The following NSD3 variants were observed in gnomAD, a reference collection of about 807,000 sequenced individuals.
NSD3 encodes nuclear receptor binding SET domain protein 3.
In NSD3, 24 loss-of-function variants were observed where a neutral mutation model predicts 160.8. The observed-to-expected ratio is 0.15, with a 90% CI of 0.11 to 0.21. The LOEUF is 0.21. Among genes scored for constraint, NSD3 ranks in the 10% least tolerant of loss-of-function variants. The pLI, the probability that NSD3 is intolerant of heterozygous loss-of-function variation, is 1.00. For synonymous variants in NSD3, 520 were observed against 600.0 expected, an observed-to-expected ratio of 0.87 and a Z score of 1.95; for missense variants, 1,157 against 1,735.9, an observed-to-expected ratio of 0.67 and a Z score of 5.93.
chr8:38,327,357 A>G (rs1334560762), intron 6 of NSD3, among the ~76,000 whole-genome samples: 1 of 151,580 alleles, frequency 6.6e-6, no homozygotes, highest in East Asian at 1.9e-4. Flanking sequence ...CACCCGGCCA[A>G]AAAAAATTTT....
At chr8:38,306,248 G>T (rs979448528) in intron 12 of NSD3, among the ~76,000 whole-genome samples, 1 of 151,986 alleles carries the variant, frequency 6.6e-6, no homozygotes, top group Non-Finnish European at 1.5e-5. Context: ...ACATTAAAAA[G>T]ATAGTAAAAG....
At chr8:38,315,670 C>T in intron 10 of NSD3, 126 bp from the exon 11 acceptor site, 1 of 1,368,378 alleles carries the variant, frequency 7.3e-7, no homozygotes, top group Non-Finnish European at 9.8e-7. Flanking sequence ...TTTTTCCTTC[C>T]TTTCTTTCCA....
rs923125720 is a variant in NSD3, at chr8:38,272,209, T to C, written c.*3432A>G. On this transcript the variant is annotated 3_prime_UTR_variant, in exon 24 of 24. Transcript: ENST00000317025. Reference sequence around the variant, plus strand: ...GCTGGGAGCAGTCCCCCTGCCTCCATTACTTTTTTAGCTTTCACATATGTT... The same window carrying C: ...GCTGGGAGCAGTCCCCCTGCCTCCACTACTTTTTTAGCTTTCACATATGTT... 7 of 152,236 alleles carry C rather than the reference T, an allele frequency of 4.6e-5. No homozygotes were observed. The highest frequency in any genetic ancestry group is 1.0e-4 in the Non-Finnish European group (7 of 68,040). 9.4% of individuals were successfully genotyped at this position (152,236 alleles called of 1,614,324 possible).
At chr8:38,282,799 G>A (rs866035003) in intron 19 of NSD3, among the ~76,000 whole-genome samples, 25 of 152,228 alleles carry the variant, frequency 1.6e-4, no homozygotes, top group African/African-American at 5.1e-4. Context: ...AAGGTGCTGA[G>A]TATATCAACA....
In NSD3 at chr8:38,318,939, A is replaced by C; in HGVS notation, c.1811T>G (p.Val604Gly). 1 of 1,608,080 alleles carries C rather than the reference A, an allele frequency of 6.2e-7. No individual in the cohort carries two copies. Among genetic ancestry groups the C allele is most frequent in the Non-Finnish European group, 8.5e-7 (1 of 1,178,226 alleles). ...CACTGTAGCCTGAGGAACTGTTTCAACCTGTTTGGACAGAAAAATACAGCA... is the reference window on the plus strand; with the variant it reads ...CACTGTAGCCTGAGGAACTGTTTCACCCTGTTTGGACAGAAAAATACAGCA... ...VPKKKIKKEQ[V>G]ETVPQATVKT... The change falls in exon 9 of 24, where the codon GTT (valine) becomes GGT (glycine). Residue 604 changes from valine (V) to glycine (G), a missense_variant and splice_region_variant. Physicochemically the swap from Val to Gly is moderately radical, Grantham distance 109 (BLOSUM62 -3). Transcript: ENST00000317025. This position sits in a 1 kb window ranked among gnomAD's most constrained non-coding sequence, Gnocchi z 5.3.
intron 4 of NSD3, among the ~76,000 whole-genome samples, chr8:38,334,880 T>C (rs957061772): frequency 3.3e-5 from 5 of 151,984 alleles, no homozygotes; most frequent in Non-Finnish European, 7.4e-5. Flanking sequence ...TTAAAATATA[T>C]GCATTTCTTA....
chr8:38,360,020 C>T (rs897396496), intron 1 of NSD3, among the ~76,000 whole-genome samples: 2 of 142,452 alleles, frequency 1.4e-5, no homozygotes, highest in African/African-American at 2.6e-5. Flanking sequence ...TTTTTTGAGA[C>T]GGTCTCACTA....
chr8:38,359,792 A>G (rs1810915039), intron 1 of NSD3, among the ~76,000 whole-genome samples: 1 of 152,162 alleles, frequency 6.6e-6, no homozygotes, highest in Admixed American at 6.5e-5. Flanking sequence ...TGATTGTTCT[A>G]TTTGTCTTTA....
intron 16 of NSD3, among the ~76,000 whole-genome samples, chr8:38,292,109 G>A (rs915892320): frequency 6.6e-6 from 1 of 152,170 alleles, no homozygotes; most frequent in Non-Finnish European, 1.5e-5. Flanking sequence ...TTGAAGATCT[G>A]AAGGCTTCTT....
intron 8 of NSD3, 149 bp downstream of exon 8, chr8:38,320,912 TATTAAAACTGA>T: frequency 1.8e-6 from 1 of 564,004 alleles, no homozygotes; most frequent in Non-Finnish European, 3.0e-6. Context: ...GGGATGGCTG[TATTAAAACTGA>T]GCACTGGAAC....
At chr8:38,295,016 C>T (rs563952405) in intron 16 of NSD3, among the ~76,000 whole-genome samples, 3 of 149,660 alleles carry the variant, frequency 2.0e-5, no homozygotes, top group South Asian at 2.1e-4. Flanking sequence ...TGGTAGCGGG[C>T]GCCTGTAGTC....
rs550632105 is a variant in NSD3 at position 38,335,142 on chromosome 8, A to T, written c.910+2163T>A. ...GTGAGACCTTAGAGGCATGCGCCAA[A>T]ACGCCTGGCTAATTTTTGTATTTTC... On this transcript the variant is annotated intron_variant, in intron 4 of 23. Coordinates refer to ENST00000317025, the MANE Select transcript of NSD3 (RefSeq NM_023034.2). 2.6e-5 allele frequency among the ~76,000 whole-genome samples: 4 copies of T among 152,172 alleles called. No homozygotes were observed. The South Asian group carries it at 8.3e-4, about 32-fold the overall frequency.
At chr8:38,311,076 C>CTTTT (rs34628829) in intron 12 of NSD3, among the ~76,000 whole-genome samples, 2 of 132,790 alleles carry the variant, frequency 1.5e-5, no homozygotes, top group Non-Finnish European at 3.2e-5. Context: ...TCCCTGATTA[C>CTTTT]TTTTTTTTTT....
chr8:38,326,770 C>T lies in NSD3; in HGVS notation c.1668G>A (p.Thr556=), dbSNP rs772385042. The part of the protein sequence containing the change: ...STPNQRNEKP[T]QSVSSPEATS... ...TTGCTTCAGGAGATGATACACTCTG[C>T]GTTGGCTTTTCATTTCTCTGGTTTG... is the stretch of plus-strand genomic sequence containing the variant. The change falls in exon 7 of 24, where the codon ACG becomes ACA. Residue 556 remains threonine (T), a synonymous_variant. Transcript: ENST00000317025. 55 of 1,613,932 alleles carry T rather than the reference C, an allele frequency of 3.4e-5. No homozygotes were observed. The highest frequency in any genetic ancestry group is 4.2e-5 in the Non-Finnish European group (49 of 1,179,982).
Position 38,273,065 on chromosome 8 carries a change from T to C in NSD3, c.*2576A>G, listed in dbSNP as rs545030775. ...TTTTTTTTGAGATGGAGTCTCGCTC[T>C]GTCACCCAGGCTGGAGTGCAGTGAT... On this transcript the variant is annotated 3_prime_UTR_variant, in exon 24 of 24. Coordinates refer to ENST00000317025, the MANE Select transcript of NSD3 (RefSeq NM_023034.2). 5.9e-5 allele frequency: 9 copies of C among 152,456 alleles called. No homozygotes were observed. The East Asian group carries it at 1.7e-3, about 29-fold the overall frequency. 9.4% of individuals were successfully genotyped at this position (152,456 alleles called of 1,614,324 possible). A position where few individuals can be genotyped will look rare whatever the true frequency, so the allele number is the denominator to read the frequency against.
At position 38,290,615 on chromosome 8, in the gene NSD3, T is replaced by C; in HGVS notation, c.2978A>G (p.His993Arg). ...GAATACAGGGAAGTCCCCCAAGTCATGTTTAAGGCCCTGGATGTTCAGTGG... is the reference window on the plus strand; with the variant it reads ...GAATACAGGGAAGTCCCCCAAGTCACGTTTAAGGCCCTGGATGTTCAGTGG... ...SVPLNIQGLKHDLGDFPVFFF... is the reference protein window; with the variant it reads ...SVPLNIQGLKRDLGDFPVFFF... Residue 993 changes from histidine (H) to arginine (R), a missense_variant, in exon 17 of 24, where the codon CAT becomes CGT. Physicochemically the swap from His to Arg is conservative, Grantham distance 29 (BLOSUM62 0). Transcript: ENST00000317025. 2 of 1,614,048 alleles carry C rather than the reference T, an allele frequency of 1.2e-6. No homozygotes were observed. Among genetic ancestry groups the C allele is most frequent in the Non-Finnish European group, 1.7e-6 (2 of 1,179,928 alleles).
chr8:38,376,071 C>T (rs1811380689), intron 1 of NSD3, among the ~76,000 whole-genome samples: 1 of 152,042 alleles, frequency 6.6e-6, no homozygotes, highest in Non-Finnish European at 1.5e-5. Flanking sequence ...TTTTAGCTCA[C>T]TTTAAAATTT....
chr8:38,332,911 G>A (rs1810101801), intron 4 of NSD3, among the ~76,000 whole-genome samples: 1 of 152,056 alleles, frequency 6.6e-6, no homozygotes, highest in African/African-American at 2.4e-5. Flanking sequence ...TCTTTTCAGA[G>A]AACCCAAAGT....
Position 38,317,302 on chromosome 8 carries a change from A to AT in NSD3, c.1856-1261dup, listed in dbSNP as rs553687860. On this transcript the variant is annotated intron_variant, in intron 9 of 23. Transcript: ENST00000317025. The surrounding 1 kb of genome is among the most constrained non-coding windows in gnomAD (Gnocchi z 5.3). ...AGGGTGCCTGCCCATGTTAATGCTG[A>AT]TTAAAAAACACAAGTACACAAATCT... 6.6e-4 allele frequency: 696 copies of AT among 1,059,292 alleles called. No individual in the cohort carries two copies. Among genetic ancestry groups the AT allele is most frequent in the Non-Finnish European group, 7.6e-4 (666 of 875,278 alleles). The allele number at this position is 1,059,292 out of a possible 1,614,324, so 65.6% of individuals were successfully genotyped here. A position where few individuals can be genotyped will look rare whatever the true frequency, so the allele number is the denominator to read the frequency against.
Sources: gnomAD v4.1 joint callset for allele counts (sites outside exome capture counted in the v4.1 genomes callset) on GRCh38, gnomAD v4.1.1 for gene constraint, Gnocchi (gnomAD v3.1) non-coding constraint, MANE v1.5 for transcripts, NCBI Gene and HGNC (gene_info 2026-07-23, HGNC 2026-07-21) for gene names.